The following MGAT5 variants were observed in gnomAD, a reference collection of about 807,000 sequenced individuals.
The protein encoded by MGAT5 is alpha-1,6-mannosylglycoprotein 6-beta-N-acetylglucosaminyltransferase, also known as alpha-1,6-mannosylglycoprotein 6-beta-N-acetylglucosaminyltransferase A.
In MGAT5, 30 loss-of-function variants were observed where a neutral mutation model predicts 94.3. The observed-to-expected ratio is 0.32, with a 90% confidence interval of 0.24 to 0.43. MGAT5 has a LOEUF of 0.43. MGAT5 is among the 20% of genes least tolerant of loss of function. MGAT5 has a pLI of 1.00. For missense variants in MGAT5, 691 were observed against 905.5 expected (o/e 0.76, Z 3.04); for synonymous variants, 310 against 322.9 (o/e 0.96, Z 0.43).
chr2:134,207,568 T>C (rs941160824), intron 1 of MGAT5, among the ~76,000 whole-genome samples: 1 of 138,516 alleles, frequency 7.2e-6, no homozygotes, highest in South Asian at 2.4e-4. Flanking sequence ...ACAATGACAC[T>C]GAAAGGTTAA....
chr2:134,408,454 G>A (rs759690494), intron 11 of MGAT5, among the ~76,000 whole-genome samples: 2 of 152,216 alleles, frequency 1.3e-5, no homozygotes, highest in African/African-American at 2.4e-5. Flanking sequence ...TTTCTGAAAC[G>A]GTAGTTAGGT....
intron 2 of MGAT5, among the ~76,000 whole-genome samples, chr2:134,295,412 T>G (rs144824827): frequency 2.6e-5 from 4 of 152,300 alleles, no homozygotes; most frequent in African/African-American, 4.8e-5. Flanking sequence ...AGGATCCTCT[T>G]GCAGTAATTT....
intron 1 of MGAT5, among the ~76,000 whole-genome samples, chr2:134,191,460 C>A (rs563235258): frequency 2.0e-5 from 3 of 151,334 alleles, no homozygotes; most frequent in Admixed American, 6.6e-5. Context: ...CTCCCCCTAC[C>A]CCCCCCACCA....
At chr2:134,134,835 T>C (rs759059846) in intron 1 of MGAT5, among the ~76,000 whole-genome samples, 3 of 152,256 alleles carry the variant, frequency 2.0e-5, no homozygotes, top group Non-Finnish European at 4.4e-5. Flanking sequence ...TAGACAATCA[T>C]GGACAAGCAA....
intron 1 of MGAT5, among the ~76,000 whole-genome samples, chr2:134,131,303 C>T (rs1686151897): frequency 2.0e-5 from 3 of 152,212 alleles, no homozygotes; most frequent in African/African-American, 7.2e-5. Context: ...CAAGAACCCA[C>T]CAATTCGGGC....
At chr2:134,194,801 G>A (rs1032906743) in intron 1 of MGAT5, among the ~76,000 whole-genome samples, 1 of 152,148 alleles carries the variant, frequency 6.6e-6, no homozygotes, top group African/African-American at 2.4e-5. Context: ...TTCATGTACT[G>A]TTCAAGGCCC....
Position 134,359,549 on chromosome 2 carries a change from T to G in MGAT5, c.1247-2726T>G, listed in dbSNP as rs558235561. 3.3e-5 allele frequency among the ~76,000 whole-genome samples: 5 copies of G among 152,360 alleles called. No homozygotes were observed. In the East Asian group the frequency reaches 9.6e-4, roughly 29 times the overall value. On this transcript the variant is annotated intron_variant, in intron 9 of 15. Transcript: ENST00000281923. ...AGCCATCCTTTTTAAAAATCACATT[T>G]GTTTATCTTCTGGGATGGAGGGATT...
At chr2:134,424,878 A>T (rs1444194837) in intron 13 of MGAT5, among the ~76,000 whole-genome samples, 1 of 152,158 alleles carries the variant, frequency 6.6e-6, no homozygotes, top group Non-Finnish European at 1.5e-5. Context: ...TTCTCTCTGT[A>T]TGTATCTCTG....
At chr2:134,412,818 TG>T in intron 11 of MGAT5, 50 bp from the exon 12 acceptor site, 1 of 1,597,206 alleles carries the variant, frequency 6.3e-7, no homozygotes, top group Non-Finnish European at 8.6e-7. Context: ...CCGTCCTGCC[TG>T]ATGGTCCTGC....
intron 1 of MGAT5, among the ~76,000 whole-genome samples, chr2:134,219,228 G>A (rs1276402945): frequency 1.3e-5 from 2 of 152,128 alleles, no homozygotes; most frequent in African/African-American, 4.8e-5. Context: ...AAAGCAAGAA[G>A]AGAGCACATG....
At chr2:134,236,921 A>G (rs1681667633) in intron 1 of MGAT5, among the ~76,000 whole-genome samples, 1 of 152,188 alleles carries the variant, frequency 6.6e-6, no homozygotes, top group African/African-American at 2.4e-5. Flanking sequence ...GCAACTCTCT[A>G]GTTGGCCTCT....
At chr2:134,383,330 T>C (rs576488447) in intron 10 of MGAT5, among the ~76,000 whole-genome samples, 3 of 152,364 alleles carry the variant, frequency 2.0e-5, no homozygotes, top group African/African-American at 7.2e-5. Flanking sequence ...TGATTAGCCA[T>C]TAACATACTC....
At chr2:134,283,645 C>CT (rs35922830) in intron 2 of MGAT5, among the ~76,000 whole-genome samples, 3,624 of 69,044 alleles carry the variant, frequency 0.052, 521 homozygotes, top group African/African-American at 0.16. Context: ...AATGTAGTAT[C>CT]TTTTTTTTTT....
chr2:134,176,599 T>G (rs1157493077), intron 1 of MGAT5, among the ~76,000 whole-genome samples: 1 of 114,480 alleles, frequency 8.7e-6, no homozygotes, highest in African/African-American at 3.4e-5. Flanking sequence ...AAAAAAATTC[T>G]AAACCATCAA....
At chr2:134,322,188 ATGT>A (rs752509830) in intron 4 of MGAT5, among the ~76,000 whole-genome samples, 110 of 152,234 alleles carry the variant, frequency 7.2e-4, no homozygotes, top group African/African-American at 2.5e-3. Flanking sequence ...GTGGTTTTAA[ATGT>A]TGTGATCTTT....
intron 2 of MGAT5, among the ~76,000 whole-genome samples, chr2:134,289,837 A>G (rs572742872): frequency 2.6e-5 from 4 of 152,284 alleles, no homozygotes; most frequent in Admixed American, 6.5e-5. Context: ...AGCATGCCCT[A>G]TATGACTCCG....
intron 10 of MGAT5, among the ~76,000 whole-genome samples, chr2:134,393,163 T>C (rs1008019767): frequency 6.6e-6 from 1 of 152,236 alleles, no homozygotes; most frequent in Admixed American, 6.5e-5. Context: ...TTTGGGAACT[T>C]GCCGAAGTCC....
intron 2 of MGAT5, among the ~76,000 whole-genome samples, chr2:134,286,712 C>T (rs1466708411): frequency 6.6e-6 from 1 of 152,170 alleles, no homozygotes; most frequent in Non-Finnish European, 1.5e-5. Context: ...GCCACCGCGC[C>T]CAACTGAGGT....
intron 10 of MGAT5, among the ~76,000 whole-genome samples, chr2:134,383,054 G>T (rs770607963): frequency 3.3e-5 from 5 of 152,214 alleles, no homozygotes; most frequent in Non-Finnish European, 5.9e-5. Context: ...GGTAGTCAAG[G>T]TACCAGTAAA....
Sources: allele counts gnomAD v4.1 joint callset (sites outside exome capture counted in the v4.1 genomes callset), GRCh38; gene constraint gnomAD v4.1.1; transcripts MANE v1.5; gene names NCBI Gene and HGNC (gene_info 2026-07-23, HGNC 2026-07-21).